SLMAP: variants seen among roughly 807,000 people sequenced by gnomAD.
The protein encoded by SLMAP is sarcolemma associated protein, also known as sarcolemmal membrane-associated protein.
In SLMAP, 44 loss-of-function variants were observed where a neutral mutation model predicts 128.8. That is an observed-to-expected ratio of 0.34 (90% confidence interval 0.27 to 0.44). SLMAP has a LOEUF of 0.44. Ranked by LOEUF, SLMAP falls within the 20% of genes least tolerant of loss-of-function variation. The probability of loss-of-function intolerance (pLI) is 1.00; values close to 1 mark genes in which losing one functional copy is unlikely to be tolerated. For missense variants in SLMAP, 787 were observed against 985.3 expected, an observed-to-expected ratio of 0.80 and a Z score of 2.69; for synonymous variants, 327 against 348.8, an observed-to-expected ratio of 0.94 and a Z score of 0.70.
At chr3:57,894,029 A>G (rs1327498101) in intron 15 of SLMAP, among the ~76,000 whole-genome samples, 2 of 152,252 alleles carry the variant, frequency 1.3e-5, no homozygotes, top group African/African-American at 4.8e-5. Context: ...ATAACAAGTT[A>G]TATTTTAATG....
At chr3:57,800,825 C>T (rs116025118) in intron 2 of SLMAP, 1,942 of 168,394 alleles carry the variant, frequency 0.012, 28 homozygotes, top group African/African-American at 0.044. Flanking sequence ...TTCCACAAAG[C>T]GGCTATATTG....
At chr3:57,768,378 CT>C (rs1374751071) in intron 2 of SLMAP, among the ~76,000 whole-genome samples, 6 of 152,132 alleles carry the variant, frequency 3.9e-5, no homozygotes, top group African/African-American at 1.4e-4. Context: ...GACTTTCAAG[CT>C]TTTCTTATTT....
chr3:57,757,949 A>G, intron 2 of SLMAP, 100 bp downstream of exon 2: 1 of 1,045,972 alleles, frequency 9.6e-7, no homozygotes, highest in Non-Finnish European at 1.4e-6. Flanking sequence ...CAGGGTTTGC[A>G]TCCAGAGGAG....
chr3:57,778,810 A>G (rs2082431395), intron 2 of SLMAP, among the ~76,000 whole-genome samples: 1 of 151,988 alleles, frequency 6.6e-6, no homozygotes, highest in Admixed American at 6.6e-5. Flanking sequence ...TCAAATTAGA[A>G]TCTTAGGTAA....
chr3:57,769,495 A>AT (rs1054899747), intron 2 of SLMAP, among the ~76,000 whole-genome samples: 112 of 147,662 alleles, frequency 7.6e-4, no homozygotes, highest in South Asian at 2.4e-3. Flanking sequence ...GCCCGGCTGG[A>AT]TTTTTTTTTT....
chr3:57,824,625 G>A (rs1029510914), intron 2 of SLMAP, among the ~76,000 whole-genome samples: 3 of 152,038 alleles, frequency 2.0e-5, no homozygotes, highest in Non-Finnish European at 2.9e-5. Flanking sequence ...TCCGTATGCC[G>A]GTAACACAAT....
intron 17 of SLMAP, chr3:57,900,681 C>T: frequency 6.5e-6 from 1 of 153,122 alleles, no homozygotes; most frequent in Non-Finnish European, 1.5e-5. Context: ...GTGGTGCATG[C>T]CTATAGTCTC....
chr3:57,795,980 A>G (rs1048983680), intron 2 of SLMAP, among the ~76,000 whole-genome samples: 1 of 152,280 alleles, frequency 6.6e-6, no homozygotes, highest in Non-Finnish European at 1.5e-5. Context: ...GATGAAGTCC[A>G]ATTTATCTAT....
intron 17 of SLMAP, chr3:57,899,465 A>G (rs1237604798): frequency 6.6e-6 from 1 of 152,238 alleles, no homozygotes; most frequent in African/African-American, 2.4e-5. Flanking sequence ...ACATTTCTGT[A>G]TGATTGCCAA....
intron 19 of SLMAP, among the ~76,000 whole-genome samples, chr3:57,910,713 A>G (rs2096673772): frequency 6.6e-6 from 1 of 152,220 alleles, no homozygotes; most frequent in Non-Finnish European, 1.5e-5. Context: ...TTCCTTTCCC[A>G]TGCCATTGTA....
Position 57,865,265 on chromosome 3 carries a change from C to G in SLMAP, c.1210C>G (p.Pro404Ala). 1.3e-6 allele frequency: 2 copies of G among 1,485,508 alleles called. 1 individual carries two copies. Among genetic ancestry groups the G allele is most frequent in the South Asian group, 2.5e-5 (2 of 80,688 alleles). 92.0% of individuals were successfully genotyped at this position (1,485,508 alleles called of 1,614,324 possible). A position where few individuals can be genotyped will look rare whatever the true frequency, so the allele number is the denominator to read the frequency against. Residue 404 changes from proline to alanine, a missense_variant, in exon 13 of 25, where the codon CCT (proline) becomes GCT (alanine). By Grantham distance (27) the Pro-to-Ala change is conservative (BLOSUM62 -1). Around this residue, in one of 2 missense-constraint regions of SLMAP, gnomAD observed 715 missense variants for 843.6 expected, o/e 0.85. Transcript: ENST00000671191. The stretch of plus-strand genomic sequence containing the variant: ...AGGGATACAAGTTGATGACTTCTTA[C>G]CTAAAATAAATGGGAGCACAGAAAA... ...SLGIQVDDFL[P>A]KINGSTEKEH...
intron 2 of SLMAP, among the ~76,000 whole-genome samples, chr3:57,788,460 T>A (rs1341154536): frequency 6.6e-6 from 1 of 152,110 alleles, no homozygotes; most frequent in Non-Finnish European, 1.5e-5. Context: ...ATCATCTGGA[T>A]AGAGGGAGAT....
At chr3:57,881,734 A>G (rs978285660) in intron 14 of SLMAP, among the ~76,000 whole-genome samples, 4 of 152,288 alleles carry the variant, frequency 2.6e-5, no homozygotes, top group South Asian at 4.1e-4. Flanking sequence ...GATTACAGGC[A>G]TGAGCTGCTG....
chr3:57,826,772 CT>C (rs748215977), intron 2 of SLMAP, among the ~76,000 whole-genome samples: 15 of 152,314 alleles, frequency 9.8e-5, no homozygotes, highest in South Asian at 2.1e-4. Flanking sequence ...CCATTTCCAG[CT>C]TTTCTTCAGT....
chr3:57,775,199 G>C lies in SLMAP; in HGVS notation c.198+17350G>C, dbSNP rs560212707. On this transcript the variant is annotated intron_variant, in intron 2 of 24. Coordinates refer to ENST00000671191, the MANE Select transcript of SLMAP (RefSeq NM_001377540.1). Reference sequence around the variant, plus strand: ...CCCCCGAGTAGCTGGGACTACAGGCGCCCACCACTGCCCCCGGCTAATTTT... The same window carrying C: ...CCCCCGAGTAGCTGGGACTACAGGCCCCCACCACTGCCCCCGGCTAATTTT... Among the ~76,000 whole-genome samples, 3 of 151,502 alleles carry C rather than the reference G, an allele frequency of 2.0e-5. No individual in the cohort carries two copies. In the East Asian group the frequency reaches 5.9e-4, roughly 30 times the overall value.
At position 57,912,431 on chromosome 3, in the gene SLMAP, G is replaced by A. The variant is rs1194392348; in HGVS notation, c.1750G>A (p.Asp584Asn). Residue 584 changes from aspartate (D) to asparagine (N), a missense_variant, in exon 20 of 25, where the codon GAC becomes AAC. Transcript: ENST00000671191. Reference protein sequence around the residue: ...IDTENLREEKDSEITSTRDEL... With the variant: ...IDTENLREEKNSEITSTRDEL... ...TACTGAGAATCTCCGGGAGGAGAAG[G>A]ACAGTGAAATCACAAGTACTAGAGA... is the stretch of plus-strand genomic sequence containing the variant. 1 of 1,613,882 alleles carries A rather than the reference G, an allele frequency of 6.2e-7. No individual in the cohort carries two copies. Among genetic ancestry groups the A allele is most frequent in the East Asian group, 2.2e-5 (1 of 44,896 alleles).
chr3:57,906,464 C>T (rs985461910), intron 17 of SLMAP, among the ~76,000 whole-genome samples: 2 of 148,400 alleles, frequency 1.3e-5, no homozygotes, highest in African/African-American at 4.9e-5. Context: ...TACAGGCGCG[C>T]ACCACCACGC....
intron 2 of SLMAP, among the ~76,000 whole-genome samples, chr3:57,766,165 A>ATGTTTTT (rs2079660208): frequency 1.2e-5 from 1 of 85,704 alleles, no homozygotes; most frequent in Non-Finnish European, 2.0e-5. Context: ...CACCCGGCTA[A>ATGTTTTT]TTTTTTTTTT....
Position 57,841,347 on chromosome 3 carries a change from G to C in SLMAP, c.395G>C (p.Gly132Ala). The C allele has an allele frequency of 6.2e-7, 1 of 1,610,066 alleles. No homozygotes were observed. The highest frequency in any genetic ancestry group is 8.5e-7 in the Non-Finnish European group (1 of 1,177,466). ...VSTIKLFLPD[G>A]MEARLRSDVI... ...ACAATAAAACTTTTTCTACCAGATG[G>C]TATGGAAGCCCGGCTCCGCTCAGAG... is the stretch of plus-strand genomic sequence containing the variant. The change falls in exon 4 of 25, where the codon GGT becomes GCT. Residue 132 changes from glycine (G) to alanine (A), a missense_variant. By Grantham distance (60) the Gly-to-Ala change is moderately conservative. Coordinates refer to ENST00000671191, the MANE Select transcript of SLMAP (RefSeq NM_001377540.1).
Sources: allele counts gnomAD v4.1 joint callset (sites outside exome capture counted in the v4.1 genomes callset), GRCh38; gene constraint gnomAD v4.1.1; regional missense constraint gnomAD v4.1.1; transcripts MANE v1.5; gene names NCBI Gene and HGNC (gene_info 2026-07-23, HGNC 2026-07-21).